NUP160: variants seen among roughly 807,000 people sequenced by gnomAD.
NUP160 encodes the protein nucleoporin 160.
A neutral mutation model predicts 196.9 loss-of-function variants in NUP160; 94 were observed. The observed-to-expected ratio is 0.48, with a 90% CI of 0.40 to 0.57. The LOEUF (loss-of-function observed/expected upper bound fraction) is 0.57, where lower values mean the gene tolerates loss of function less well. Among genes scored for constraint, NUP160 ranks in the 20% least tolerant of loss-of-function variants. NUP160 has a pLI of 0.00. For synonymous variants in NUP160, 605 were observed against 619.7 expected, an observed-to-expected ratio of 0.98 and a Z score of 0.35; for missense variants, 1,638 against 1,748.3, an observed-to-expected ratio of 0.94 and a Z score of 1.13.
At chr11:47,816,090 C>T in intron 11 of NUP160, 61 bp from the exon 12 acceptor site, 4 of 1,143,590 alleles carry the variant, frequency 3.5e-6, no homozygotes, top group Non-Finnish European at 5.3e-6. Context: ...GAAAACGTTT[C>T]AGTTTAGAAG....
chr11:47,837,457 T>G, intron 5 of NUP160, 88 bp downstream of exon 5: 1 of 1,005,098 alleles, frequency 9.9e-7, no homozygotes, highest in Non-Finnish European at 1.6e-6. Flanking sequence ...ATGTTTGCCT[T>G]GGAATAAGAC....
intron 33 of NUP160, among the ~76,000 whole-genome samples, chr11:47,783,995 C>T (rs890581660): frequency 9.6e-5 from 11 of 114,160 alleles, no homozygotes; most frequent in Non-Finnish European, 1.9e-4. Flanking sequence ...TGCCCGGCCT[C>T]CTTTCTACCT....
chr11:47,837,151 C>G (rs545884668), intron 5 of NUP160, 150 bp from the exon 6 acceptor site: 5 of 510,288 alleles, frequency 9.8e-6, no homozygotes, highest in African/African-American at 7.6e-5. Context: ...AACTACATTT[C>G]TATTTGGTTT....
intron 27 of NUP160, among the ~76,000 whole-genome samples, chr11:47,793,719 T>A (rs2097669174): frequency 1.5e-5 from 1 of 67,824 alleles, no homozygotes; most frequent in Non-Finnish European, 2.7e-5. Flanking sequence ...CTGTAAGATA[T>A]CTGTTTTTTT....
intron 23 of NUP160, 91 bp from the exon 24 acceptor site, chr11:47,798,554 G>A (rs1306403024): frequency 1.3e-6 from 1 of 744,648 alleles, no homozygotes; most frequent in African/African-American, 1.8e-5. Flanking sequence ...GAAAGGTTAA[G>A]TAGGCCGGCA....
chr11:47,833,271 T>C (rs970866399), intron 7 of NUP160, among the ~76,000 whole-genome samples: 1 of 151,952 alleles, frequency 6.6e-6, no homozygotes, highest in Non-Finnish European at 1.5e-5. Context: ...CTGGCCCACA[T>C]GGTGAAACCC....
intron 29 of NUP160, among the ~76,000 whole-genome samples, chr11:47,791,340 C>A (rs1461142076): frequency 6.6e-6 from 1 of 152,102 alleles, no homozygotes; most frequent in Admixed American, 6.6e-5. Context: ...ATGGGTCCCA[C>A]TAAACATTAT....
chr11:47,825,635 T>TC (rs1851952157), intron 7 of NUP160, among the ~76,000 whole-genome samples: 1 of 152,068 alleles, frequency 6.6e-6, no homozygotes, highest in African/African-American at 2.4e-5. Context: ...CGTATTTTAG[T>TC]AGAGACAGGG....
chr11:47,813,357 T>C, exon 14 of NUP160: 2 of 1,611,956 alleles, frequency 1.2e-6, no homozygotes, highest in Non-Finnish European at 1.7e-6. Flanking sequence ...AAGGTTCTCA[T>C]AAGGCAGGAG....
Position 47,834,193 on chromosome 11 carries a change from G to C in NUP160, c.1101+1458C>G, listed in dbSNP as rs1485089350. The stretch of plus-strand genomic sequence containing the variant: ...AAACAAAAGCTCTTTGCAGTTCTCG[G>C]TAAGAGTATAATAGGGTCCCGAGAC... On this transcript the variant is annotated intron_variant, in intron 7 of 35. Coordinates refer to ENST00000378460, the Ensembl canonical transcript of NUP160. Among the ~76,000 whole-genome samples, 4 of 152,242 alleles carry C rather than the reference G, an allele frequency of 2.6e-5. No individual in the cohort carries two copies. In the East Asian group the frequency reaches 7.7e-4, roughly 29 times the overall value.
exon 36 of NUP160, chr11:47,778,162 A>C (rs1211011739): frequency 6.6e-6 from 1 of 152,288 alleles, no homozygotes; most frequent in Non-Finnish European, 1.5e-5. Context: ...TGAAAGTATA[A>C]AAATTAAAGG....
At chr11:47,834,729 G>A (rs748445884) in intron 7 of NUP160, among the ~76,000 whole-genome samples, 4 of 152,142 alleles carry the variant, frequency 2.6e-5, no homozygotes, top group Non-Finnish European at 5.9e-5. Context: ...TGAGAAGGGC[G>A]TGCATGCAGG....
intron 2 of NUP160, among the ~76,000 whole-genome samples, chr11:47,842,746 T>C (rs1852330131): frequency 1.3e-5 from 2 of 152,136 alleles, no homozygotes; most frequent in Admixed American, 1.3e-4. Flanking sequence ...TCCCAGCATT[T>C]TGGGAGGCCA....
chr11:47,811,004 T>C (rs1406251676), intron 17 of NUP160, among the ~76,000 whole-genome samples: 1 of 152,120 alleles, frequency 6.6e-6, no homozygotes, highest in Non-Finnish European at 1.5e-5. Context: ...ATTACTGACT[T>C]AGAAAAAAAT....
intron 7 of NUP160, among the ~76,000 whole-genome samples, chr11:47,828,324 C>A (rs1489634159): frequency 6.6e-6 from 1 of 151,982 alleles, no homozygotes; most frequent in East Asian, 1.9e-4. Flanking sequence ...AATGAGCACT[C>A]TGAAAATGAA....
intron 11 of NUP160, among the ~76,000 whole-genome samples, chr11:47,816,976 G>GTTTTT (rs371077064): frequency 7.3e-6 from 1 of 136,564 alleles, no homozygotes. Context: ...AATCCTTTCA[G>GTTTTT]TTTTTTTTTT....
At chr11:47,812,000 C>T (rs1246885123) in intron 17 of NUP160, 64 bp downstream of exon 17, 41 of 1,514,040 alleles carry the variant, frequency 2.7e-5, no homozygotes, top group Non-Finnish European at 3.6e-5. Flanking sequence ...CATTTTGCTC[C>T]TAAGTGCTTG....
intron 7 of NUP160, among the ~76,000 whole-genome samples, chr11:47,829,822 G>C (rs1284528356): frequency 6.6e-6 from 1 of 152,128 alleles, no homozygotes; most frequent in African/African-American, 2.4e-5. Context: ...AAGATTTCAA[G>C]ACGAAGACAC....
In NUP160 at chr11:47,818,041, AT is replaced by A. The variant is rs753902239; in HGVS notation, c.1431+14del. 9.8e-5 allele frequency: 153 copies of A among 1,553,764 alleles called. No homozygotes were observed. The highest frequency in any genetic ancestry group is 1.8e-4 in the Middle Eastern group (1 of 5,538). ...AGAAATAGTCTTAAACAAACAGTAA[AT>A]TTTTTTTGCTGACCTGTAAAGCCTT... On this transcript the variant is annotated intron_variant, in intron 11 of 35. Coordinates refer to ENST00000378460, the Ensembl canonical transcript of NUP160.
Sources: allele counts gnomAD v4.1 joint callset (sites outside exome capture counted in the v4.1 genomes callset), GRCh38; gene constraint gnomAD v4.1.1; transcripts MANE v1.5; gene names NCBI Gene and HGNC (gene_info 2026-07-23, HGNC 2026-07-21).